RNF152: variants seen among roughly 807,000 people sequenced by gnomAD.
RNF152 encodes ring finger protein 152.
Under a neutral mutation model 12.7 loss-of-function variants are expected in RNF152, and 11 were observed. The observed-to-expected ratio is 0.86, with a 90% CI of 0.54 to 1.43. The LOEUF (loss-of-function observed/expected upper bound fraction) is 1.43, where lower values mean the gene tolerates loss of function less well. Among genes scored for constraint, RNF152 ranks in the 40% most tolerant of loss-of-function variants. The pLI, the probability that RNF152 is intolerant of heterozygous loss-of-function variation, is 0.00. For missense variants in RNF152, 255 were observed against 274.8 expected (o/e 0.93, Z 0.51); for synonymous variants, 113 against 120.3 (o/e 0.94, Z 0.40).
chr18:61,827,196 G>A (rs1430734870), intron 1 of RNF152, among the ~76,000 whole-genome samples: 1 of 152,154 alleles, frequency 6.6e-6, no homozygotes, highest in African/African-American at 2.4e-5. Context: ...GCTATAGCAG[G>A]CCACAAAGTA....
intron 1 of RNF152, among the ~76,000 whole-genome samples, chr18:61,863,210 G>A (rs925783569): frequency 3.9e-5 from 6 of 152,060 alleles, no homozygotes; most frequent in African/African-American, 1.2e-4. Context: ...CGAGGCAGGT[G>A]GATCAGCAGG....
chr18:61,850,883 C>T (rs1049634765), intron 1 of RNF152, among the ~76,000 whole-genome samples: 5 of 152,110 alleles, frequency 3.3e-5, no homozygotes, highest in Admixed American at 3.3e-4. Flanking sequence ...TCCATCCAGG[C>T]AGACAGCATG....
chr18:61,880,299 G>A (rs541886280), intron 1 of RNF152, among the ~76,000 whole-genome samples: 21 of 152,258 alleles, frequency 1.4e-4, no homozygotes, highest in Middle Eastern at 3.4e-3. Context: ...AGACAGGTCC[G>A]CAAAGAATTC....
At chr18:61,867,327 C>T (rs1478016858) in intron 1 of RNF152, among the ~76,000 whole-genome samples, 1 of 152,058 alleles carries the variant, frequency 6.6e-6, no homozygotes, top group Non-Finnish European at 1.5e-5. Context: ...TGGCATGCTC[C>T]TGTAGTCTCA....
chr18:61,855,680 C>A (rs560150931), intron 1 of RNF152, among the ~76,000 whole-genome samples: 1 of 152,354 alleles, frequency 6.6e-6, no homozygotes, highest in South Asian at 2.1e-4. Flanking sequence ...CTGGACCCCA[C>A]ACTCGCTCAC....
chr18:61,854,754 G>A (rs538740924), intron 1 of RNF152, among the ~76,000 whole-genome samples: 3 of 152,254 alleles, frequency 2.0e-5, no homozygotes, highest in Admixed American at 2.0e-4. Flanking sequence ...ACCCAGTGCT[G>A]AATCATGGCC....
chr18:61,849,067 C>T (rs888115089), intron 1 of RNF152, among the ~76,000 whole-genome samples: 2 of 152,130 alleles, frequency 1.3e-5, no homozygotes, highest in East Asian at 3.9e-4. Context: ...GCTGTGAATC[C>T]CCCGGGGTTT....
At chr18:61,825,257 T>C (rs1373164042) in intron 1 of RNF152, among the ~76,000 whole-genome samples, 1 of 151,928 alleles carries the variant, frequency 6.6e-6, no homozygotes, top group Non-Finnish European at 1.5e-5. Context: ...AAGAGAACCA[T>C]GAGAAAGAGA....
intron 1 of RNF152, among the ~76,000 whole-genome samples, chr18:61,857,221 A>G (rs2144707581): frequency 6.6e-6 from 1 of 152,318 alleles, no homozygotes; most frequent in African/African-American, 2.4e-5. Flanking sequence ...AAGTGCAGAC[A>G]CTTTTCTATT....
chr18:61,830,177 G>C (rs1651964210), intron 1 of RNF152, among the ~76,000 whole-genome samples: 1 of 151,850 alleles, frequency 6.6e-6, no homozygotes, highest in South Asian at 2.1e-4. Flanking sequence ...ACACACCACT[G>C]TAGTCTGGCT....
At chr18:61,817,688 C>A (rs1909177962) in intron 1 of RNF152, among the ~76,000 whole-genome samples, 1 of 149,200 alleles carries the variant, frequency 6.7e-6, no homozygotes, top group Non-Finnish European at 1.5e-5. Flanking sequence ...TAATTGAAAT[C>A]AAATATTCTA....
intron 1 of RNF152, among the ~76,000 whole-genome samples, chr18:61,845,870 T>G (rs1479360163): frequency 6.6e-6 from 1 of 151,826 alleles, no homozygotes; most frequent in African/African-American, 2.4e-5. Flanking sequence ...AAAATGCATA[T>G]GTTGAAACCT....
chr18:61,877,807 G>A (rs559101723), intron 1 of RNF152, among the ~76,000 whole-genome samples: 2 of 152,262 alleles, frequency 1.3e-5, no homozygotes, highest in African/African-American at 4.8e-5. Flanking sequence ...AGGAATACTG[G>A]CACGGCTGCT....
intron 1 of RNF152, among the ~76,000 whole-genome samples, chr18:61,854,293 C>G (rs1911119404): frequency 6.6e-6 from 1 of 152,154 alleles, no homozygotes; most frequent in Non-Finnish European, 1.5e-5. Flanking sequence ...ATTCATTATA[C>G]AGACTACAAT....
intron 1 of RNF152, among the ~76,000 whole-genome samples, chr18:61,873,985 C>G (rs1912108866): frequency 6.6e-6 from 1 of 152,174 alleles, no homozygotes; most frequent in South Asian, 2.1e-4. Context: ...AAGTATTTTC[C>G]TAATCTATCT....
intron 1 of RNF152, among the ~76,000 whole-genome samples, chr18:61,829,162 T>C (rs1010068724): frequency 6.6e-6 from 1 of 152,084 alleles, no homozygotes; most frequent in African/African-American, 2.4e-5. Flanking sequence ...ATGTTGAGCA[T>C]GTAGGGCAGC....
In RNF152 at chr18:61,812,781, T is replaced by C. The variant is rs923779611; in HGVS notation, c.*3071A>G. On this transcript the variant is annotated 3_prime_UTR_variant, in exon 2 of 2. Coordinates refer to ENST00000312828, the MANE Select transcript of RNF152 (RefSeq NM_173557.3). ...TTTGATAGTTGTCTTTCAACATCTA[T>C]ACTCATCCCTAAGTCAACCCTCCTT... The C allele has an allele frequency of 6.6e-6, 1 of 152,222 alleles. No individual in the cohort carries two copies. The highest frequency in any genetic ancestry group is 2.4e-5 in the African/African-American group (1 of 41,450). The allele number at this position is 152,222 out of a possible 1,614,324, so 9.4% of individuals were successfully genotyped here.
chr18:61,873,745 C>T (rs928622173), intron 1 of RNF152, among the ~76,000 whole-genome samples: 1 of 152,120 alleles, frequency 6.6e-6, no homozygotes, highest in African/African-American at 2.4e-5. Context: ...TTCAAAAGTC[C>T]GTTATGAACA....
chr18:61,846,919 A>C (rs1361845508), intron 1 of RNF152, among the ~76,000 whole-genome samples: 1 of 152,192 alleles, frequency 6.6e-6, no homozygotes, highest in Non-Finnish European at 1.5e-5. Context: ...GTCACCAATT[A>C]ATAATGTAGC....
Sources: gnomAD v4.1 joint callset for allele counts (sites outside exome capture counted in the v4.1 genomes callset) on GRCh38, gnomAD v4.1.1 for gene constraint, MANE v1.5 for transcripts, NCBI Gene and HGNC (gene_info 2026-07-23, HGNC 2026-07-21) for gene names.